PBX4: variants seen among roughly 807,000 people sequenced by gnomAD.
PBX4 encodes pre-B-cell leukemia transcription factor 4.
A neutral mutation model predicts 35.1 loss-of-function variants in PBX4; 26 were observed. That is an observed-to-expected ratio of 0.74 (90% CI 0.54 to 1.03). The LOEUF (loss-of-function observed/expected upper bound fraction) is 1.03, where lower values mean the gene tolerates loss of function less well. Among genes scored for constraint, PBX4 ranks in the 50% least tolerant of loss-of-function variants. PBX4 has a pLI of 0.00. For missense variants in PBX4, 448 were observed against 504.3 expected (o/e 0.89, Z 1.07); for synonymous variants, 199 against 204.2 (o/e 0.97, Z 0.22).
intron 2 of PBX4, among the ~76,000 whole-genome samples, chr19:19,577,445 G>A (rs992351298): frequency 6.6e-6 from 1 of 152,172 alleles, no homozygotes; most frequent in African/African-American, 2.4e-5. Flanking sequence ...CGACCAGAAG[G>A]GTGCAGATGT....
chr19:19,579,467 G>A (rs1046824022), intron 2 of PBX4, among the ~76,000 whole-genome samples: 9 of 152,222 alleles, frequency 5.9e-5, no homozygotes, highest in Non-Finnish European at 1.0e-4. Flanking sequence ...GGGAAAAGCA[G>A]AAGGCTCAGA....
At chr19:19,610,133 G>T (rs1362575398) in intron 1 of PBX4, among the ~76,000 whole-genome samples, 3 of 152,206 alleles carry the variant, frequency 2.0e-5, no homozygotes, top group African/African-American at 7.2e-5. Flanking sequence ...AACACAATTT[G>T]CCAGGCACGG....
Position 19,569,470 on chromosome 19 carries a change from C to G in PBX4, c.747G>C (p.Lys249Asn). 1 of 1,612,500 alleles carries G rather than the reference C, an allele frequency of 6.2e-7. No individual in the cohort carries two copies. The change falls in exon 5 of 8, where the codon AAG (lysine) becomes AAC (asparagine). Residue 249 changes from lysine to asparagine, a missense_variant. Physicochemically the swap from Lys to Asn is moderately conservative, Grantham distance 94 (BLOSUM62 0). Coordinates refer to ENST00000251203, the MANE Select transcript of PBX4 (RefSeq NM_025245.3). Reference sequence around the variant, plus strand: ...TCACCTGGGAGATGGTGAGGCCGCCCTTCCTGGCCAGCTCTTCTTTGGCTT... The same window carrying G: ...TCACCTGGGAGATGGTGAGGCCGCCGTTCCTGGCCAGCTCTTCTTTGGCTT... ...SEEAKEELARKGGLTISQVSN... is the reference protein window; with the variant it reads ...SEEAKEELARNGGLTISQVSN...
At chr19:19,605,840 ATTTTTTTTT>A (rs71338333) in intron 1 of PBX4, among the ~76,000 whole-genome samples, 1 of 123,094 alleles carries the variant, frequency 8.1e-6, no homozygotes, top group African/African-American at 3.0e-5. Context: ...AGGCTCTAGG[ATTTTTTTTT>A]TTTTTTTTTT....
In PBX4 at chr19:19,568,805, ACT is replaced by A. The variant is rs927642643; in HGVS notation, c.768+642_768+643del. Among the ~76,000 whole-genome samples the A allele has an allele frequency of 4.6e-5, 7 of 151,602 alleles. No individual in the cohort carries two copies. In the South Asian group the frequency reaches 1.0e-3, roughly 23 times the overall value. On this transcript the variant is annotated intron_variant, in intron 5 of 7. Transcript: ENST00000251203. ...TGTCTGTATCCCTCAGGGAGTTCAC[ACT>A]CTGTCTGTAACCCTCAGGGAGCTCA...
At chr19:19,608,891 G>A (rs959097817) in intron 1 of PBX4, among the ~76,000 whole-genome samples, 10 of 152,126 alleles carry the variant, frequency 6.6e-5, no homozygotes, top group South Asian at 2.1e-4. Flanking sequence ...CCGTGTCACC[G>A]CACTCTCCAA....
At chr19:19,566,713 T>C (rs1048929524) in intron 5 of PBX4, among the ~76,000 whole-genome samples, 1 of 146,864 alleles carries the variant, frequency 6.8e-6, no homozygotes, top group African/African-American at 2.5e-5. Flanking sequence ...TTTTTTTTTT[T>C]TTTTTTCGGA....
At chr19:19,572,070 C>CTTTTT (rs1249792389) in intron 2 of PBX4, among the ~76,000 whole-genome samples, 48 of 69,126 alleles carry the variant, frequency 6.9e-4, no homozygotes, top group East Asian at 1.4e-3. Flanking sequence ...TAGAATCAGG[C>CTTTTT]TTTTTTTTTT....
chr19:19,605,605 G>A (rs2061626148), intron 1 of PBX4, among the ~76,000 whole-genome samples: 1 of 151,522 alleles, frequency 6.6e-6, no homozygotes, highest in African/African-American at 2.4e-5. Context: ...CAGCCTGGGC[G>A]ACAGAGTGAG....
At chr19:19,592,563 C>T (rs774271467) in intron 2 of PBX4, among the ~76,000 whole-genome samples, 1 of 152,128 alleles carries the variant, frequency 6.6e-6, no homozygotes, top group Non-Finnish European at 1.5e-5. Context: ...TCCGGTGATG[C>T]CAGGTTTACA....
chr19:19,578,272 C>T (rs182612558), intron 2 of PBX4, among the ~76,000 whole-genome samples: 27 of 152,080 alleles, frequency 1.8e-4, no homozygotes, highest in East Asian at 1.7e-3. Context: ...CGAGGAGAAA[C>T]GCTGTGCCTT....
Position 19,570,657 on chromosome 19 carries a change from G to A in PBX4, c.370C>T (p.His124Tyr). The change falls in exon 3 of 8, where the codon CAC becomes TAC. Residue 124 changes from histidine (H) to tyrosine (Y), a missense_variant. Coordinates refer to ENST00000251203, the MANE Select transcript of PBX4 (RefSeq NM_025245.3). ...GACAGCTTGGCCCTGTAGTCAGAGT[G>A]CTCAATGCTATTGTCATTTGGACAG... ...GGCPNDNSIE[H>Y]SDYRAKLSQI... The A allele has an allele frequency of 2.5e-6, 4 of 1,614,192 alleles. No homozygotes were observed. Among genetic ancestry groups the A allele is most frequent in the Non-Finnish European group, 3.4e-6 (4 of 1,180,036 alleles).
chr19:19,569,986 G>A (rs1600398258), intron 4 of PBX4, 123 bp downstream of exon 4: 1 of 911,004 alleles, frequency 1.1e-6, no homozygotes, highest in East Asian at 2.7e-5. Context: ...CCAAGAGGCT[G>A]TGAGGCCTCC....
chr19:19,607,508 C>T (rs559100517), intron 1 of PBX4, among the ~76,000 whole-genome samples: 1 of 152,054 alleles, frequency 6.6e-6, no homozygotes, highest in Admixed American at 6.5e-5. Flanking sequence ...ATTTTTAAAC[C>T]AATATTCAAA....
chr19:19,596,478 G>A (rs1232655726), intron 2 of PBX4, among the ~76,000 whole-genome samples: 1 of 152,184 alleles, frequency 6.6e-6, no homozygotes, highest in Non-Finnish European at 1.5e-5. Context: ...GCACGTGTGT[G>A]TGTGTACACA....
chr19:19,578,849 A>C (rs541768054), intron 2 of PBX4, among the ~76,000 whole-genome samples: 79 of 152,256 alleles, frequency 5.2e-4, no homozygotes, highest in South Asian at 4.2e-3. Flanking sequence ...GGTCATAAGG[A>C]TGTGGCCCTG....
chr19:19,580,302 C>T (rs184221523), intron 2 of PBX4, among the ~76,000 whole-genome samples: 14 of 152,314 alleles, frequency 9.2e-5, no homozygotes, highest in Non-Finnish European at 1.6e-4. Context: ...ACTTACTGAG[C>T]ACCTACTGAG....
intron 1 of PBX4, among the ~76,000 whole-genome samples, chr19:19,605,540 C>T (rs1002096587): frequency 2.0e-5 from 3 of 151,616 alleles, no homozygotes; most frequent in South Asian, 2.1e-4. Flanking sequence ...GTGGGAGGAT[C>T]GCTTGAACTC....
chr19:19,569,402 A>C (rs1002873207), intron 5 of PBX4, 47 bp downstream of exon 5: 5 of 1,576,264 alleles, frequency 3.2e-6, no homozygotes, highest in Non-Finnish European at 4.3e-6. Context: ...GGACCTAGTC[A>C]TCCACTCCTC....
Sources: gnomAD v4.1 joint callset for allele counts (sites outside exome capture counted in the v4.1 genomes callset) on GRCh38, gnomAD v4.1.1 for gene constraint, MANE v1.5 for transcripts, NCBI Gene and HGNC (gene_info 2026-07-23, HGNC 2026-07-21) for gene names.